Variants in DRC11 observed in about 807,000 individuals in gnomAD.
DRC11 encodes dynein regulatory complex subunit 11.
chr2:236,448,727 C>A, the DRC11 span, among the ~76,000 whole-genome samples: 1 of 152,172 alleles, frequency 6.6e-6, no homozygotes, highest in Non-Finnish European at 1.5e-5. This position sits in a 1 kb window ranked among gnomAD's most constrained non-coding sequence, Gnocchi z 5.3. Flanking sequence ...AGCAGAGCAG[C>A]TGTAAGGCAG....
At chr2:236,421,479 C>T in the DRC11 span, among the ~76,000 whole-genome samples, 29 of 152,152 alleles carry the variant, frequency 1.9e-4, no homozygotes, top group East Asian at 4.0e-3. Flanking sequence ...ATAAATTCCT[C>T]GATACATACA....
the DRC11 span, among the ~76,000 whole-genome samples, chr2:236,473,843 A>G: frequency 1.3e-5 from 2 of 152,148 alleles, no homozygotes. The surrounding 1 kb of genome is among the most constrained non-coding windows in gnomAD (Gnocchi z 4.8). Context: ...TGAATGCATG[A>G]TGATGTCTCT....
chr2:236,502,759 G>A, the DRC11 span, among the ~76,000 whole-genome samples: 1 of 151,438 alleles, frequency 6.6e-6, no homozygotes, highest in Non-Finnish European at 1.5e-5. Context: ...GTCACTATCT[G>A]CTCCTGTCTA....
At chr2:236,484,445 A>G in the DRC11 span, among the ~76,000 whole-genome samples, 1 of 152,246 alleles carries the variant, frequency 6.6e-6, no homozygotes, top group Non-Finnish European at 1.5e-5. Context: ...TTCATATTTT[A>G]CATTTCACAA....
chr2:236,496,364 T>C, the DRC11 span, among the ~76,000 whole-genome samples: 1 of 152,190 alleles, frequency 6.6e-6, no homozygotes, highest in African/African-American at 2.4e-5. This position sits in a 1 kb window ranked among gnomAD's most constrained non-coding sequence, Gnocchi z 6.3. Context: ...GAAACCCTCA[T>C]GTAGAAAATT....
chr2:236,425,406 C>CA, the DRC11 span, among the ~76,000 whole-genome samples: 1 of 151,934 alleles, frequency 6.6e-6, no homozygotes, highest in East Asian at 1.9e-4. Flanking sequence ...TTGCGTTCAG[C>CA]ATTTTTCCAT....
chr2:236,446,597 G>A, the DRC11 span, among the ~76,000 whole-genome samples: 48 of 152,346 alleles, frequency 3.2e-4, no homozygotes, highest in African/African-American at 1.1e-3. This position sits in a 1 kb window ranked among gnomAD's most constrained non-coding sequence, Gnocchi z 6.2. Flanking sequence ...GAGAGGCACA[G>A]GCTGTCCTTT....
the DRC11 span, among the ~76,000 whole-genome samples, chr2:236,449,667 C>T: frequency 6.6e-6 from 1 of 152,350 alleles, no homozygotes; most frequent in South Asian, 2.1e-4. This position sits in a 1 kb window ranked among gnomAD's most constrained non-coding sequence, Gnocchi z 5.1. Flanking sequence ...ACAGGCATCT[C>T]TGCTAGCCCC....
the DRC11 span, among the ~76,000 whole-genome samples, chr2:236,309,088 C>T: frequency 1.3e-5 from 2 of 152,162 alleles, no homozygotes; most frequent in African/African-American, 4.8e-5. This position sits in a 1 kb window ranked among gnomAD's most constrained non-coding sequence, Gnocchi z 5.7. Context: ...GTGAGACCCA[C>T]AAGAGAGGCA....
the DRC11 span, among the ~76,000 whole-genome samples, chr2:236,337,821 A>C: frequency 2.6e-5 from 4 of 152,102 alleles, no homozygotes; most frequent in African/African-American, 9.7e-5. The surrounding 1 kb of genome is among the most constrained non-coding windows in gnomAD (Gnocchi z 4.9). Flanking sequence ...AAAAAAAAAA[A>C]AACCCAACCC....
chr2:236,329,271 C>T, the DRC11 span, among the ~76,000 whole-genome samples: 4 of 152,210 alleles, frequency 2.6e-5, no homozygotes, highest in South Asian at 2.1e-4. Flanking sequence ...TGTAACCTCA[C>T]TTATTTTCAG....
the DRC11 span, among the ~76,000 whole-genome samples, chr2:236,349,927 C>T: frequency 6.6e-6 from 1 of 152,202 alleles, no homozygotes; most frequent in African/African-American, 2.4e-5. This position sits in a 1 kb window ranked among gnomAD's most constrained non-coding sequence, Gnocchi z 5.5. Flanking sequence ...TAGCTGACTG[C>T]ACTCGTGGCT....
the DRC11 span, among the ~76,000 whole-genome samples, chr2:236,309,423 C>T: frequency 1.3e-5 from 2 of 152,128 alleles, no homozygotes; most frequent in Non-Finnish European, 2.9e-5. The surrounding 1 kb of genome is among the most constrained non-coding windows in gnomAD (Gnocchi z 5.7). Context: ...CCCGTTTACT[C>T]ACAGAGACAT....
At chr2:236,311,697 C>CGTGTGTGTGTGT in the DRC11 span, among the ~76,000 whole-genome samples, 6 of 138,706 alleles carry the variant, frequency 4.3e-5, no homozygotes, top group African/African-American at 1.1e-4. The surrounding 1 kb of genome is among the most constrained non-coding windows in gnomAD (Gnocchi z 6.9). Flanking sequence ...GGATGGGGTG[C>CGTGTGTGTGTGT]GTGTGTGTGT....
the DRC11 span, among the ~76,000 whole-genome samples, chr2:236,338,647 T>C: frequency 4.8e-4 from 73 of 152,218 alleles, no homozygotes; most frequent in African/African-American, 1.7e-3. Context: ...ACCTTGGCCC[T>C]AGGAATGGGA....
At chr2:236,442,738 T>A in the DRC11 span, among the ~76,000 whole-genome samples, 1 of 152,196 alleles carries the variant, frequency 6.6e-6, no homozygotes, top group Non-Finnish European at 1.5e-5. Context: ...GATCTTATAA[T>A]GGAAGGTCTA....
chr2:236,423,355 GA>G, the DRC11 span, among the ~76,000 whole-genome samples: 18 of 146,840 alleles, frequency 1.2e-4, no homozygotes, highest in South Asian at 8.8e-4. Flanking sequence ...AAATTTACAA[GA>G]AAAAAAAAAC....
the DRC11 span, among the ~76,000 whole-genome samples, chr2:236,407,460 G>T: frequency 6.6e-6 from 1 of 152,074 alleles, no homozygotes; most frequent in African/African-American, 2.4e-5. Context: ...AGCTCTCCTG[G>T]GGCCCCCTCT....
At chr2:236,374,486 T>C in the DRC11 span, among the ~76,000 whole-genome samples, 1 of 152,136 alleles carries the variant, frequency 6.6e-6, no homozygotes, top group African/African-American at 2.4e-5. Flanking sequence ...AATTTATAAA[T>C]AAAAGAGGTT....
Sources: allele counts gnomAD v4.1 joint callset (sites outside exome capture counted in the v4.1 genomes callset), GRCh38; gene constraint gnomAD v4.1.1; non-coding constraint Gnocchi (gnomAD v3.1); transcripts MANE v1.5; gene names NCBI Gene and HGNC (gene_info 2026-07-23, HGNC 2026-07-21).